The following MAGI2 variants were observed in gnomAD, a reference collection of about 807,000 sequenced individuals.
MAGI2 encodes membrane associated guanylate kinase, WW and PDZ domain containing 2, also known as membrane-associated guanylate kinase, WW and PDZ domain-containing protein 2.
In MAGI2, 35 loss-of-function variants were observed where a neutral mutation model predicts 133.3. The ratio of observed to expected loss-of-function variants is 0.26; its 90% confidence interval spans 0.20 to 0.35. MAGI2 has a LOEUF of 0.35. Among genes scored for constraint, MAGI2 ranks in the 10% least tolerant of loss-of-function variants. The probability of loss-of-function intolerance (pLI) is 1.00; values close to 1 mark genes in which losing one functional copy is unlikely to be tolerated. For missense variants in MAGI2, 1,636 were observed against 1,863.4 expected (o/e 0.88, Z 2.25); for synonymous variants, 729 against 710.6 (o/e 1.03, Z -0.41).
intron 10 of MAGI2, chr7:78,251,707 A>G (rs1792400547): frequency 6.6e-6 from 1 of 152,346 alleles, no homozygotes; most frequent in South Asian, 2.1e-4. Flanking sequence ...TTCTGAGAGA[A>G]ATTAAAGATC....
intron 20 of MAGI2, among the ~76,000 whole-genome samples, chr7:78,118,638 A>T (rs1820117441): frequency 6.6e-6 from 1 of 152,260 alleles, no homozygotes; most frequent in Admixed American, 6.5e-5. Context: ...ATGTAAATTA[A>T]AACAACAATG....
chr7:78,543,164 G>A (rs1284635383), intron 3 of MAGI2, among the ~76,000 whole-genome samples: 4 of 152,132 alleles, frequency 2.6e-5, no homozygotes, highest in Non-Finnish European at 5.9e-5. Context: ...AAGGACAAAA[G>A]CTTCATTCAA....
In MAGI2 at chr7:78,425,207, G is replaced by A. The variant is rs370623179; in HGVS notation, c.1046-55994C>T. On this transcript the variant is annotated intron_variant, in intron 6 of 21. Coordinates refer to ENST00000354212, the MANE Select transcript of MAGI2 (RefSeq NM_012301.4). ...ATGAATGAGTCTCATGAGATCTGAT[G>A]GTTTTAAAAAGTGGGAGTTTGCCTG... 1.7e-4 allele frequency among the ~76,000 whole-genome samples: 26 copies of A among 152,234 alleles called. No homozygotes were observed. In the East Asian group the frequency reaches 5.0e-3, roughly 29 times the overall value.
At chr7:78,452,287 A>G (rs1430205785) in intron 6 of MAGI2, among the ~76,000 whole-genome samples, 2 of 152,026 alleles carry the variant, frequency 1.3e-5, no homozygotes, top group African/African-American at 4.8e-5. Flanking sequence ...CAAAGCCCAT[A>G]CTTCCAAGCA....
chr7:78,876,206 C>T (rs200460148), intron 2 of MAGI2, among the ~76,000 whole-genome samples: 2 of 151,014 alleles, frequency 1.3e-5, no homozygotes, highest in African/African-American at 4.9e-5. Flanking sequence ...ACCTGTAATC[C>T]CAGCTACTCA....
chr7:78,881,159 T>A (rs1311160476), intron 2 of MAGI2, among the ~76,000 whole-genome samples: 1 of 152,090 alleles, frequency 6.6e-6, no homozygotes, highest in Admixed American at 6.5e-5. Context: ...ACTAGACAGA[T>A]CATCAAGGCA....
intron 7 of MAGI2, among the ~76,000 whole-genome samples, chr7:78,358,041 A>C (rs1792278708): frequency 6.6e-6 from 1 of 150,558 alleles, no homozygotes; most frequent in African/African-American, 2.4e-5. Context: ...AAATGTGTTC[A>C]GCTTTGACAG....
At chr7:79,150,807 A>G (rs1400847669) in intron 1 of MAGI2, among the ~76,000 whole-genome samples, 1 of 152,060 alleles carries the variant, frequency 6.6e-6, no homozygotes, top group Non-Finnish European at 1.5e-5. Context: ...TACAGAACCT[A>G]TAGTAACTAA....
intron 6 of MAGI2, among the ~76,000 whole-genome samples, chr7:78,419,703 C>G (rs567913547): frequency 7.3e-5 from 11 of 151,682 alleles, no homozygotes; most frequent in South Asian, 6.3e-4. Flanking sequence ...GGAAAACTGG[C>G]AGCCTTGGGA....
intron 3 of MAGI2, among the ~76,000 whole-genome samples, chr7:78,531,030 G>T (rs1453166652): frequency 6.6e-6 from 1 of 152,084 alleles, no homozygotes; most frequent in Non-Finnish European, 1.5e-5. Flanking sequence ...GGGCTCCTGG[G>T]AGGGTAGATA....
intron 20 of MAGI2, among the ~76,000 whole-genome samples, chr7:78,086,532 C>T (rs753923838): frequency 7.3e-5 from 11 of 151,664 alleles, no homozygotes; most frequent in Middle Eastern, 3.4e-3. Flanking sequence ...GCACCGCACC[C>T]GGTCTCTTCT....
At chr7:79,404,992 C>G (rs2129166299) in intron 1 of MAGI2, among the ~76,000 whole-genome samples, 1 of 152,162 alleles carries the variant, frequency 6.6e-6, no homozygotes, top group African/African-American at 2.4e-5. Flanking sequence ...TGGGTCTCCT[C>G]CTGGTGCTAG....
At position 78,477,697 on chromosome 7, in the gene MAGI2, C is replaced by T. The variant is rs148481901; in HGVS notation, c.1045+12064G>A. Reference sequence around the variant, plus strand: ...GCCCCCATGACTCAATTATTTCCACCTGGCCCCGCCCTTGACACATGGGGA... The same window carrying T: ...GCCCCCATGACTCAATTATTTCCACTTGGCCCCGCCCTTGACACATGGGGA... On this transcript the variant is annotated intron_variant, in intron 6 of 21. Coordinates refer to ENST00000354212, the MANE Select transcript of MAGI2 (RefSeq NM_012301.4). Among the ~76,000 whole-genome samples the T allele has an allele frequency of 8.3e-3, 1,266 of 152,000 alleles. 20 individuals are homozygous for T. Among genetic ancestry groups the T allele is most frequent in the African/African-American group, 0.029 (1,209 of 41,472 alleles).
At chr7:79,316,275 A>C (rs1390667260) in intron 1 of MAGI2, among the ~76,000 whole-genome samples, 1 of 151,862 alleles carries the variant, frequency 6.6e-6, no homozygotes, top group East Asian at 1.9e-4. Flanking sequence ...CCACCCCCCC[A>C]CTCCAAGTTA....
intron 2 of MAGI2, among the ~76,000 whole-genome samples, chr7:78,829,234 T>G (rs1790924443): frequency 6.6e-6 from 1 of 151,934 alleles, no homozygotes; most frequent in Non-Finnish European, 1.5e-5. Flanking sequence ...GTTACAAGAT[T>G]TTTCTTTTCT....
chr7:78,910,307 A>G (rs1798314176), intron 2 of MAGI2, among the ~76,000 whole-genome samples: 1 of 150,532 alleles, frequency 6.6e-6, no homozygotes. Context: ...GTAAATTATA[A>G]CCAAGTCAAA....
At chr7:78,489,981 AG>A in intron 5 of MAGI2, 141 bp from the exon 6 acceptor site, 2 of 606,842 alleles carry the variant, frequency 3.3e-6, no homozygotes, top group Non-Finnish European at 5.8e-6. Flanking sequence ...GTAGCCCTGA[AG>A]GAGGTGTAAG....
intron 1 of MAGI2, among the ~76,000 whole-genome samples, chr7:79,106,878 G>A (rs1244012237): frequency 6.6e-6 from 1 of 152,154 alleles, no homozygotes. Context: ...CTTAAGAAGA[G>A]CGAATCAATA....
At chr7:79,322,207 A>G (rs895524581) in intron 1 of MAGI2, among the ~76,000 whole-genome samples, 1 of 152,166 alleles carries the variant, frequency 6.6e-6, no homozygotes, top group Admixed American at 6.6e-5. Context: ...TAGTTTTCCA[A>G]TTTTGCAAAT....
Sources: gnomAD v4.1 joint callset for allele counts (sites outside exome capture counted in the v4.1 genomes callset) on GRCh38, gnomAD v4.1.1 for gene constraint, MANE v1.5 for transcripts, NCBI Gene and HGNC (gene_info 2026-07-23, HGNC 2026-07-21) for gene names.